QTGAL: variants seen among roughly 807,000 people sequenced by gnomAD.
The protein encoded by QTGAL is queuosine-tRNA galactosyltransferase, also known as BGnT-like protein 1.
chr17:82,976,154 CG>C, the QTGAL span, among the ~76,000 whole-genome samples: 6 of 25,170 alleles, frequency 2.4e-4, no homozygotes, highest in African/African-American at 1.9e-3. Context: ...ACGAGGGCCC[CG>C]GGACAGAGCC....
chr17:82,957,641 C>T, the QTGAL span: 1 of 1,185,626 alleles, frequency 8.4e-7, no homozygotes, highest in South Asian at 1.6e-5. Context: ...GGCTGTCCTA[C>T]AGTCAGGCCA....
the QTGAL span, among the ~76,000 whole-genome samples, chr17:83,035,787 G>A: frequency 3.3e-5 from 5 of 149,812 alleles, no homozygotes; most frequent in African/African-American, 7.6e-5. Flanking sequence ...GTCAGGATCC[G>A]GTCACAAGAG....
At chr17:82,966,343 TC>T in the QTGAL span, among the ~76,000 whole-genome samples, 3 of 152,114 alleles carry the variant, frequency 2.0e-5, no homozygotes, top group Admixed American at 2.0e-4. Context: ...GTGTGAGCCA[TC>T]ATGCCTGGCT....
At chr17:82,947,091 A>C in the QTGAL span, 3 of 888,990 alleles carry the variant, frequency 3.4e-6, no homozygotes, top group African/African-American at 5.0e-5. Flanking sequence ...CCACCTGTCA[A>C]GTGTTCTGCT....
At chr17:83,051,344 G>T in the QTGAL span, among the ~76,000 whole-genome samples, 1 of 151,458 alleles carries the variant, frequency 6.6e-6, no homozygotes, top group Non-Finnish European at 1.5e-5. Flanking sequence ...GGAGCGCGGG[G>T]CAGGCGGGCG....
the QTGAL span, chr17:83,006,171 G>A: frequency 1.0e-6 from 1 of 986,342 alleles, no homozygotes; most frequent in Non-Finnish European, 1.2e-6. This position sits in a 1 kb window ranked among gnomAD's most constrained non-coding sequence, Gnocchi z 5.8. Context: ...GGAGACAATA[G>A]TGAAAATGTA....
At chr17:83,040,278 T>G in the QTGAL span, among the ~76,000 whole-genome samples, 1 of 152,216 alleles carries the variant, frequency 6.6e-6, no homozygotes, top group Non-Finnish European at 1.5e-5. Context: ...AGAGAAGCTG[T>G]GACTCCTAAA....
At chr17:83,035,478 T>A in the QTGAL span, among the ~76,000 whole-genome samples, 1 of 152,170 alleles carries the variant, frequency 6.6e-6, no homozygotes, top group Non-Finnish European at 1.5e-5. Context: ...CAATATACGA[T>A]GTTCTATAAG....
At chr17:82,943,472 T>A in the QTGAL span, 1 of 151,118 alleles carries the variant, frequency 6.6e-6, no homozygotes, top group East Asian at 1.9e-4. Context: ...TTTCCCTATG[T>A]GAGGAGCCCA....
chr17:83,046,342 G>A, the QTGAL span, among the ~76,000 whole-genome samples: 1 of 151,956 alleles, frequency 6.6e-6, no homozygotes, highest in African/African-American at 2.4e-5. Context: ...TCACCATGTT[G>A]GCCAGGCTGG....
the QTGAL span, among the ~76,000 whole-genome samples, chr17:83,032,429 C>T: frequency 2.2e-5 from 3 of 134,774 alleles, no homozygotes; most frequent in South Asian, 2.5e-4. Flanking sequence ...AGGCCTCCGA[C>T]GCAGACCGAA....
At chr17:83,029,667 C>G in the QTGAL span, among the ~76,000 whole-genome samples, 11 of 152,294 alleles carry the variant, frequency 7.2e-5, no homozygotes, top group African/African-American at 2.6e-4. Flanking sequence ...GTCTGCCTTT[C>G]CTCATGGTTC....
At chr17:83,021,008 A>G in the QTGAL span, among the ~76,000 whole-genome samples, 1 of 152,222 alleles carries the variant, frequency 6.6e-6, no homozygotes, top group Non-Finnish European at 1.5e-5. Context: ...CCACACGAGT[A>G]TTTGCCTTAT....
chr17:82,974,310 G>A, the QTGAL span, among the ~76,000 whole-genome samples: 1 of 152,190 alleles, frequency 6.6e-6, no homozygotes, highest in Non-Finnish European at 1.5e-5. Flanking sequence ...GACACTGTGC[G>A]TGACAACCAC....
chr17:82,958,157 A>T, the QTGAL span, among the ~76,000 whole-genome samples: 2 of 151,828 alleles, frequency 1.3e-5, no homozygotes, highest in African/African-American at 4.8e-5. Context: ...CTGCTCCTGG[A>T]GCTGCCCGGG....
the QTGAL span, among the ~76,000 whole-genome samples, chr17:83,000,538 G>C: frequency 1.3e-5 from 2 of 152,072 alleles, no homozygotes; most frequent in Non-Finnish European, 2.9e-5. Context: ...GTTAAGTTTT[G>C]ATAAATTTTA....
the QTGAL span, among the ~76,000 whole-genome samples, chr17:82,952,033 G>C: frequency 2.0e-5 from 3 of 152,220 alleles, no homozygotes; most frequent in Non-Finnish European, 4.4e-5. Context: ...GGTTGCTCTC[G>C]TGGGGCTGCC....
chr17:82,952,173 T>C, the QTGAL span, among the ~76,000 whole-genome samples: 1 of 152,238 alleles, frequency 6.6e-6, no homozygotes, highest in Non-Finnish European at 1.5e-5. Context: ...ATTAGTTGTG[T>C]GACAGCTCAT....
At chr17:82,975,783 C>T in the QTGAL span, among the ~76,000 whole-genome samples, 5 of 112,412 alleles carry the variant, frequency 4.4e-5, 1 homozygote, top group South Asian at 2.6e-4. Flanking sequence ...ACGAGGGCCC[C>T]GGGACAGAGC....
Sources: gnomAD v4.1 joint callset for allele counts (sites outside exome capture counted in the v4.1 genomes callset) on GRCh38, gnomAD v4.1.1 for gene constraint, Gnocchi (gnomAD v3.1) non-coding constraint, MANE v1.5 for transcripts, NCBI Gene and HGNC (gene_info 2026-07-23, HGNC 2026-07-21) for gene names.